Variants in FBN1 observed in about 807,000 individuals in gnomAD.
The protein encoded by FBN1 is fibrillin 1.
FBN1 carries 29 observed loss-of-function variants against 365.1 expected under a neutral mutation model. The observed-to-expected ratio is 0.08, with a 90% CI of 0.06 to 0.11. FBN1 has a LOEUF of 0.11. Ranked by LOEUF, FBN1 falls within the 10% of genes least tolerant of loss-of-function variation. The probability of loss-of-function intolerance (pLI) is 1.00; values close to 1 mark genes in which losing one functional copy is unlikely to be tolerated. For missense variants in FBN1, 2,476 were observed against 3,703.2 expected (o/e 0.67, Z 8.60); for synonymous variants, 1,210 against 1,270.5 (o/e 0.95, Z 1.01).
chr15:48,411,151 T>C lies in FBN1; in HGVS notation c.8455A>G (p.Lys2819Glu). The change falls in exon 66 of 66, where the codon AAG (lysine) becomes GAG (glutamate). Residue 2819 changes from lysine (K) to glutamate (E), a missense_variant. Physicochemically the swap from Lys to Glu is moderately conservative, Grantham distance 56 (BLOSUM62 1). This residue lies in a region of FBN1 where 177 missense variants were observed against 192.7 expected (regional missense o/e 0.92). Coordinates refer to ENST00000316623, the MANE Select transcript of FBN1 (RefSeq NM_000138.5). ...TAGGTTCCAGCCACTGGCTTCTTCT[T>C]TGTGAAGTGGAGGTAGCTGATCCCT... ...KEGISYLHFT[K>E]KKPVAGTYSL... The C allele has an allele frequency of 6.2e-7, 1 of 1,614,184 alleles. No individual in the cohort carries two copies. The highest frequency in any genetic ancestry group is 8.5e-7 in the Non-Finnish European group (1 of 1,180,030).
At chr15:48,527,615 A>G (rs748173405) in intron 8 of FBN1, among the ~76,000 whole-genome samples, 7 of 152,238 alleles carry the variant, frequency 4.6e-5, no homozygotes, top group Non-Finnish European at 1.0e-4. Flanking sequence ...GACAAAATAG[A>G]GTTCTAAGTG....
At chr15:48,518,483 T>C (rs1443974725) in intron 10 of FBN1, among the ~76,000 whole-genome samples, 1 of 152,258 alleles carries the variant, frequency 6.6e-6, no homozygotes. Flanking sequence ...TTTAAGACTT[T>C]TTGAATTTAT....
chr15:48,543,832 A>T (rs2141365672), intron 6 of FBN1, among the ~76,000 whole-genome samples: 1 of 152,336 alleles, frequency 6.6e-6, no homozygotes, highest in African/African-American at 2.4e-5. Flanking sequence ...AGGTGTGATA[A>T]CGGTATTGTG....
In FBN1 at chr15:48,409,924, T is replaced by C. The variant is rs2042846948; in HGVS notation, c.*1066A>G. On this transcript the variant is annotated 3_prime_UTR_variant, in exon 66 of 66. Transcript: ENST00000316623. ...GGATAAAACAAGGGATCGACTCATA[T>C]GTTAAATTTTCTTCTAGTGGTTATA... 1 of 152,354 alleles carries C rather than the reference T, an allele frequency of 6.6e-6. No homozygotes were observed. The highest frequency in any genetic ancestry group is 2.1e-4 in the South Asian group (1 of 4,830). 9.4% of individuals were successfully genotyped at this position (152,354 alleles called of 1,614,324 possible).
At chr15:48,484,418 C>A (rs980588190) in intron 30 of FBN1, among the ~76,000 whole-genome samples, 1 of 151,374 alleles carries the variant, frequency 6.6e-6, no homozygotes, top group Non-Finnish European at 1.5e-5. Context: ...TGTCACCAGG[C>A]TGGAGTGCAA....
chr15:48,600,572 C>G (rs1336188973), intron 4 of FBN1, among the ~76,000 whole-genome samples: 1 of 152,120 alleles, frequency 6.6e-6, no homozygotes, highest in African/African-American at 2.4e-5. Context: ...GGCGTAATGG[C>G]GCATGCCTGT....
intron 6 of FBN1, among the ~76,000 whole-genome samples, chr15:48,573,490 T>C (rs80040797): frequency 0.014 from 2,109 of 152,268 alleles, 47 homozygotes; most frequent in African/African-American, 0.043. Context: ...AATTTTAAAA[T>C]AACAATAATA....
At chr15:48,509,470 A>T (rs2043740593) in intron 14 of FBN1, among the ~76,000 whole-genome samples, 1 of 147,694 alleles carries the variant, frequency 6.8e-6, no homozygotes, top group Non-Finnish European at 1.5e-5. Context: ...ATGTATTTTA[A>T]ATATATATTA....
intron 33 of FBN1, 56 bp downstream of exon 33, chr15:48,474,472 C>T: frequency 6.2e-7 from 1 of 1,613,214 alleles, no homozygotes; most frequent in Non-Finnish European, 8.5e-7. Flanking sequence ...TTAATATTTT[C>T]ATATGTGTAA....
chr15:48,518,118 A>G (rs1248607250), intron 10 of FBN1, among the ~76,000 whole-genome samples: 1 of 152,224 alleles, frequency 6.6e-6, no homozygotes, highest in Admixed American at 6.5e-5. Flanking sequence ...AGAGATACTG[A>G]CGTACTTGAA....
intron 6 of FBN1, among the ~76,000 whole-genome samples, chr15:48,577,359 C>T (rs1481678961): frequency 6.6e-6 from 1 of 152,186 alleles, no homozygotes; most frequent in African/African-American, 2.4e-5. Context: ...TACATATTTA[C>T]ATGAACCAAA....
Position 48,479,376 on chromosome 15 carries a change from A to G in FBN1, c.3964+2279T>C, listed in dbSNP as rs527911070. Among the ~76,000 whole-genome samples the G allele has an allele frequency of 2.0e-5, 3 of 152,312 alleles. No individual in the cohort carries two copies. The South Asian group carries it at 6.2e-4, about 32-fold the overall frequency. On this transcript the variant is annotated intron_variant, in intron 32 of 65. Transcript: ENST00000316623. ...GAGAACATTTGAGTAACTGCAGAGC[A>G]CCCTGGTGATTTGTTCAAGATCATG...
At chr15:48,631,437 C>T (rs1041150188) in intron 2 of FBN1, among the ~76,000 whole-genome samples, 3 of 152,276 alleles carry the variant, frequency 2.0e-5, no homozygotes, top group African/African-American at 4.8e-5. Context: ...GGAATACTGA[C>T]GCTATGGAAA....
intron 30 of FBN1, 140 bp from the exon 31 acceptor site, chr15:48,484,083 C>T (rs1446207416): frequency 1.2e-6 from 1 of 846,812 alleles, no homozygotes; most frequent in Non-Finnish European, 1.9e-6. Flanking sequence ...TGAAGCTTTG[C>T]ATAAACTAGC....
At chr15:48,567,345 A>C (rs2044265071) in intron 6 of FBN1, among the ~76,000 whole-genome samples, 1 of 152,168 alleles carries the variant, frequency 6.6e-6, no homozygotes, top group African/African-American at 2.4e-5. Context: ...TCACAAGATA[A>C]GAAATGATTT....
chr15:48,637,436 T>C (rs566746187), intron 2 of FBN1, among the ~76,000 whole-genome samples: 3 of 152,282 alleles, frequency 2.0e-5, no homozygotes, highest in South Asian at 4.1e-4. Flanking sequence ...TTGCTCAAGG[T>C]TGCAAACTGC....
intron 55 of FBN1, among the ~76,000 whole-genome samples, chr15:48,432,314 A>G (rs947491440): frequency 7.2e-5 from 11 of 152,214 alleles, no homozygotes; most frequent in Non-Finnish European, 1.6e-4. Context: ...GAGCTCTTCA[A>G]GAGCAAACTC....
chr15:48,425,258 C>T (rs1456256821), intron 60 of FBN1, 111 bp downstream of exon 60: 23 of 1,464,830 alleles, frequency 1.6e-5, no homozygotes, highest in Admixed American at 1.7e-5. Flanking sequence ...CAGGGAAGCA[C>T]CTCCTGCCTG....
At chr15:48,499,701 T>C (rs1324618810) in intron 17 of FBN1, among the ~76,000 whole-genome samples, 1 of 147,956 alleles carries the variant, frequency 6.8e-6, no homozygotes, top group Non-Finnish European at 1.5e-5. Context: ...AATTTCTATT[T>C]CTTAAAATTA....
Sources: allele counts gnomAD v4.1 joint callset (sites outside exome capture counted in the v4.1 genomes callset), GRCh38; gene constraint gnomAD v4.1.1; regional missense constraint gnomAD v4.1.1; transcripts MANE v1.5; gene names NCBI Gene and HGNC (gene_info 2026-07-23, HGNC 2026-07-21).